The following TRPC6 variants were observed in gnomAD, a reference collection of about 807,000 sequenced individuals.
The protein encoded by TRPC6 is transient receptor potential cation channel subfamily C member 6.
Under a neutral mutation model 90.7 loss-of-function variants are expected in TRPC6, and 55 were observed. The observed-to-expected ratio is 0.61, with a 90% confidence interval of 0.49 to 0.76. The LOEUF is 0.76. Ranked by LOEUF, TRPC6 falls within the 30% of genes least tolerant of loss-of-function variation. The pLI is 0.00. For synonymous variants in TRPC6, 393 were observed against 393.0 expected, an observed-to-expected ratio of 1.00 and a Z score of 0.00; for missense variants, 989 against 1,122.7, an observed-to-expected ratio of 0.88 and a Z score of 1.70.
Position 101,472,128 on chromosome 11 carries a change from A to G in TRPC6, c.2205+9T>C, listed in dbSNP as rs190441617. On this transcript the variant is annotated intron_variant, in intron 8 of 12. Coordinates refer to ENST00000344327, the MANE Select transcript of TRPC6 (RefSeq NM_004621.6). Reference sequence around the variant, plus strand: ...AGGCACAAATTATAAAAATGTATTGAGATTATACCTCAATTTCCTGGAATG... The same window carrying G: ...AGGCACAAATTATAAAAATGTATTGGGATTATACCTCAATTTCCTGGAATG... 2 of 1,610,242 alleles carry G rather than the reference A, an allele frequency of 1.2e-6. No homozygotes were observed. The highest frequency in any genetic ancestry group is 3.3e-5 in the Admixed American group (2 of 60,002).
chr11:101,544,873 T>C (rs1008774008), intron 1 of TRPC6, among the ~76,000 whole-genome samples: 34 of 121,906 alleles, frequency 2.8e-4, no homozygotes, highest in East Asian at 1.1e-3. Context: ...GAACTTAAAG[T>C]ATAATTAAAA....
rs1352548152 is a variant in TRPC6 at position 101,541,012 on chromosome 11, A to G, written c.171-36214T>C. On this transcript the variant is annotated intron_variant, in intron 1 of 12. Coordinates refer to ENST00000344327, the MANE Select transcript of TRPC6 (RefSeq NM_004621.6). Reference sequence around the variant, plus strand: ...TAGGAGAAACAAAATCAGGCTAGAAATGCAGCTACACAAGTCATCGTAGGC... The same window carrying G: ...TAGGAGAAACAAAATCAGGCTAGAAGTGCAGCTACACAAGTCATCGTAGGC... 2.0e-5 allele frequency among the ~76,000 whole-genome samples: 3 copies of G among 152,214 alleles called. No individual in the cohort carries two copies. The East Asian group carries it at 5.8e-4, about 29-fold the overall frequency.
At position 101,489,812 on chromosome 11, in the gene TRPC6, T is replaced by C. The variant is rs144067152; in HGVS notation, c.1129-711A>G. 6.3e-4 allele frequency among the ~76,000 whole-genome samples: 96 copies of C among 152,218 alleles called. 3 individuals carry two copies. The East Asian group carries it at 0.013, about 20-fold the overall frequency. Reference sequence around the variant, plus strand: ...AAAATATTACAAAGGACAGGTTATATAGAAGAACTACAAGTGAATCTTAAG... The same window carrying C: ...AAAATATTACAAAGGACAGGTTATACAGAAGAACTACAAGTGAATCTTAAG... On this transcript the variant is annotated intron_variant, in intron 3 of 12. Coordinates refer to ENST00000344327, the MANE Select transcript of TRPC6 (RefSeq NM_004621.6).
chr11:101,581,258 C>A (rs1266257460), intron 1 of TRPC6, among the ~76,000 whole-genome samples: 1 of 152,144 alleles, frequency 6.6e-6, no homozygotes, highest in Non-Finnish European at 1.5e-5. Context: ...TCACTAAATA[C>A]TGCATGTTGA....
chr11:101,485,126 T>TACACACACACACAC (rs10639907), intron 4 of TRPC6, among the ~76,000 whole-genome samples: 6,380 of 143,834 alleles, frequency 0.044, 187 homozygotes, highest in Middle Eastern at 0.08. Context: ...GGCCAAAGAA[T>TACACACACACACAC]ACACACACAC....
At chr11:101,471,036 C>A in intron 9 of TRPC6, 147 bp downstream of exon 9, 1 of 746,432 alleles carries the variant, frequency 1.3e-6, no homozygotes, top group Non-Finnish European at 2.3e-6. Flanking sequence ...CAGACACAAG[C>A]CAAAGGACTG....
At chr11:101,555,567 A>C (rs1259874668) in intron 1 of TRPC6, among the ~76,000 whole-genome samples, 1 of 152,220 alleles carries the variant, frequency 6.6e-6, no homozygotes, top group African/African-American at 2.4e-5. Flanking sequence ...ATATGAAGTT[A>C]TGGATAAACA....
intron 1 of TRPC6, among the ~76,000 whole-genome samples, chr11:101,536,066 A>G (rs879264788): frequency 4.6e-5 from 7 of 152,364 alleles, no homozygotes; most frequent in Admixed American, 1.3e-4. Flanking sequence ...TGGAACTTCC[A>G]TGTTGATGAG....
chr11:101,571,727 C>G (rs1861969111), intron 1 of TRPC6, among the ~76,000 whole-genome samples: 1 of 152,138 alleles, frequency 6.6e-6, no homozygotes, highest in African/African-American at 2.4e-5. Flanking sequence ...ACATCTACAA[C>G]CATCTGATCT....
chr11:101,463,702 C>T (rs1859064169), intron 10 of TRPC6, among the ~76,000 whole-genome samples: 1 of 152,048 alleles, frequency 6.6e-6, no homozygotes. Context: ...TCTCTCTTTT[C>T]TTCTTTATTA....
intron 1 of TRPC6, among the ~76,000 whole-genome samples, chr11:101,505,318 C>G: frequency 6.6e-6 from 1 of 152,122 alleles, no homozygotes; most frequent in Non-Finnish European, 1.5e-5. Flanking sequence ...CTCTACAAGT[C>G]TTATAGACCA....
intron 1 of TRPC6, among the ~76,000 whole-genome samples, chr11:101,552,339 A>G (rs1323957391): frequency 6.6e-6 from 1 of 152,100 alleles, no homozygotes; most frequent in Non-Finnish European, 1.5e-5. Flanking sequence ...CTATATTTGA[A>G]AACATAATAA....
intron 1 of TRPC6, among the ~76,000 whole-genome samples, chr11:101,507,638 T>C (rs527668644): frequency 7.2e-5 from 11 of 152,286 alleles, no homozygotes; most frequent in African/African-American, 2.6e-4. Flanking sequence ...GGGTAGAGAA[T>C]TCAAGGTTGA....
intron 1 of TRPC6, among the ~76,000 whole-genome samples, chr11:101,572,178 AAAAC>A (rs201451656): frequency 0.072 from 10,947 of 152,264 alleles, 520 homozygotes; most frequent in East Asian, 0.11. Flanking sequence ...TTACAAGAAA[AAAAC>A]AAACAACCCC....
At chr11:101,578,282 T>C (rs1472056944) in intron 1 of TRPC6, among the ~76,000 whole-genome samples, 1 of 151,444 alleles carries the variant, frequency 6.6e-6, no homozygotes. Context: ...ATATGATGCA[T>C]AGGCCTGAGT....
chr11:101,489,202 AT>A, intron 3 of TRPC6, 101 bp from the exon 4 acceptor site: 2 of 1,048,324 alleles, frequency 1.9e-6, no homozygotes, highest in Non-Finnish European at 2.9e-6. Flanking sequence ...AATGAAATAC[AT>A]TGTTAGAATT....
chr11:101,462,443 C>T (rs10895111), intron 10 of TRPC6, among the ~76,000 whole-genome samples: 5,903 of 152,090 alleles, frequency 0.039, 218 homozygotes, highest in African/African-American at 0.093. Context: ...TATCCATGAG[C>T]GTGGAACGAT....
Position 101,534,377 on chromosome 11 carries a change from C to T in TRPC6, c.171-29579G>A, listed in dbSNP as rs369999750. On this transcript the variant is annotated intron_variant, in intron 1 of 12. Coordinates refer to ENST00000344327, the MANE Select transcript of TRPC6 (RefSeq NM_004621.6). ...TCTCGAACTCCTGACCTCAGATGAT[C>T]GACCCACCTCAGCCTCCCACTGTGC... Among the ~76,000 whole-genome samples the T allele has an allele frequency of 1.4e-4, 22 of 152,156 alleles. No individual in the cohort carries two copies. In the East Asian group the frequency reaches 1.9e-3, roughly 13 times the overall value.
intron 1 of TRPC6, among the ~76,000 whole-genome samples, chr11:101,553,986 T>A (rs34051918): frequency 1.3e-5 from 2 of 152,062 alleles, no homozygotes; most frequent in Admixed American, 1.3e-4. Context: ...ATTTCACACA[T>A]GCTTTAAATG....
Sources: allele counts gnomAD v4.1 joint callset (sites outside exome capture counted in the v4.1 genomes callset), GRCh38; gene constraint gnomAD v4.1.1; transcripts MANE v1.5; gene names NCBI Gene and HGNC (gene_info 2026-07-23, HGNC 2026-07-21).